Variants in KLRG1 observed in about 807,000 individuals in gnomAD.
KLRG1 encodes the protein killer cell lectin-like receptor subfamily G member 1.
In KLRG1, 16 loss-of-function variants were observed where a neutral mutation model predicts 21.8. That is an observed-to-expected ratio of 0.73 (90% confidence interval 0.50 to 1.11). The LOEUF is 1.11. Among genes scored for constraint, KLRG1 ranks in the 50% most tolerant of loss-of-function variants. KLRG1 has a pLI of 0.00. For synonymous variants in KLRG1, 69 were observed against 75.9 expected, an observed-to-expected ratio of 0.91 and a Z score of 0.47; for missense variants, 173 against 218.3, an observed-to-expected ratio of 0.79 and a Z score of 1.31.
chr12:9,068,328 AG>A, the KLRG1 span: 1 of 1,181,400 alleles, frequency 8.5e-7, no homozygotes, highest in East Asian at 2.5e-5. Flanking sequence ...TGTTGTGGGA[AG>A]AACAGTATTG....
the KLRG1 span, among the ~76,000 whole-genome samples, chr12:9,081,998 C>A: frequency 6.6e-6 from 1 of 152,176 alleles, no homozygotes; most frequent in Non-Finnish European, 1.5e-5. Context: ...GCTTGAGTTT[C>A]CAGATGGCCA....
At chr12:9,070,812 G>T in the KLRG1 span, among the ~76,000 whole-genome samples, 1 of 148,392 alleles carries the variant, frequency 6.7e-6, no homozygotes, top group African/African-American at 2.5e-5. Context: ...GTGTATGGGG[G>T]CTGAGGATCT....
At chr12:8,973,678 A>G (rs1449585471) in intron 1 of KLRG1, among the ~76,000 whole-genome samples, 1 of 152,244 alleles carries the variant, frequency 6.6e-6, no homozygotes, top group Non-Finnish European at 1.5e-5. Context: ...CTTCCTATCC[A>G]TGAACATGGG....
At chr12:9,160,586 T>G in the KLRG1 span, 1 of 1,145,460 alleles carries the variant, frequency 8.7e-7, no homozygotes. Flanking sequence ...AGTCTATCAT[T>G]TAGGTAAGAG....
At chr12:9,134,132 A>G in the KLRG1 span, among the ~76,000 whole-genome samples, 1 of 152,214 alleles carries the variant, frequency 6.6e-6, no homozygotes, top group East Asian at 1.9e-4. Context: ...TTCCCTGGTT[A>G]GACTTTGCCT....
At chr12:8,995,405 T>TG (rs1044540473) in intron 3 of KLRG1, 117 bp downstream of exon 3, 13 of 871,822 alleles carry the variant, frequency 1.5e-5, no homozygotes, top group Admixed American at 5.7e-5. Context: ...ATCTGTGATT[T>TG]GGGGGGGATA....
the KLRG1 span, chr12:9,093,453 G>A: frequency 1.9e-6 from 3 of 1,589,440 alleles, no homozygotes; most frequent in African/African-American, 1.3e-5. Flanking sequence ...GCATATGCAG[G>A]AAGTTACTTA....
chr12:9,079,124 T>C, the KLRG1 span: 1 of 720,166 alleles, frequency 1.4e-6, no homozygotes, highest in Non-Finnish European at 2.3e-6. Context: ...ATTTATCTAG[T>C]ATAACAAACC....
At chr12:9,117,528 C>T in the KLRG1 span, among the ~76,000 whole-genome samples, 23 of 152,152 alleles carry the variant, frequency 1.5e-4, no homozygotes, top group South Asian at 8.3e-4. Context: ...TTTCCTGGCT[C>T]GTCACGGAGT....
the KLRG1 span, chr12:9,109,725 T>C: frequency 3.8e-6 from 3 of 798,968 alleles, no homozygotes; most frequent in Admixed American, 2.7e-5. Flanking sequence ...GATGTCCTCA[T>C]TGGACTTAGG....
chr12:9,139,404 G>A, the KLRG1 span, among the ~76,000 whole-genome samples: 5 of 152,280 alleles, frequency 3.3e-5, no homozygotes, highest in Admixed American at 3.3e-4. Flanking sequence ...TTCAGCTGCT[G>A]TTTGGTGGAA....
At chr12:9,051,576 C>T in the KLRG1 span, among the ~76,000 whole-genome samples, 1 of 152,228 alleles carries the variant, frequency 6.6e-6, no homozygotes, top group African/African-American at 2.4e-5. Context: ...CAGGTCTCCT[C>T]TGAGCTGTTC....
At chr12:9,086,726 A>T in the KLRG1 span, among the ~76,000 whole-genome samples, 2 of 152,234 alleles carry the variant, frequency 1.3e-5, no homozygotes, top group South Asian at 4.1e-4. Flanking sequence ...AAGATCTGGA[A>T]CAAGACAAGG....
At chr12:9,164,590 CT>C in the KLRG1 span, among the ~76,000 whole-genome samples, 20 of 152,134 alleles carry the variant, frequency 1.3e-4, no homozygotes, top group Non-Finnish European at 1.9e-4. Context: ...TTCTTCCTTC[CT>C]TTCTTCTCCT....
the KLRG1 span, among the ~76,000 whole-genome samples, chr12:9,116,842 A>C: frequency 1.3e-5 from 2 of 152,208 alleles, no homozygotes; most frequent in Non-Finnish European, 2.9e-5. Flanking sequence ...AAAAACAGAC[A>C]GAAAAACAAC....
At chr12:9,198,475 T>A in the KLRG1 span, among the ~76,000 whole-genome samples, 1 of 152,234 alleles carries the variant, frequency 6.6e-6, no homozygotes, top group Middle Eastern at 3.4e-3. Context: ...TAAAAATAAG[T>A]ACATAATAAC....
At chr12:9,112,617 A>G in the KLRG1 span, 25 of 1,502,108 alleles carry the variant, frequency 1.7e-5, no homozygotes, top group Non-Finnish European at 2.3e-5. Flanking sequence ...TCTTCCCTGG[A>G]GATCTTGCCC....
chr12:9,157,307 C>T, the KLRG1 span: 1 of 1,614,086 alleles, frequency 6.2e-7, no homozygotes, highest in Non-Finnish European at 8.5e-7. Flanking sequence ...TCCTTTGCTA[C>T]ATTCCAGGCT....
At chr12:9,175,839 A>G in the KLRG1 span, among the ~76,000 whole-genome samples, 4 of 150,282 alleles carry the variant, frequency 2.7e-5, no homozygotes, top group Admixed American at 2.6e-4. Context: ...AGAAAAAGGA[A>G]TGCTTTTTTT....
Sources: allele counts gnomAD v4.1 joint callset (sites outside exome capture counted in the v4.1 genomes callset), GRCh38; gene constraint gnomAD v4.1.1; transcripts MANE v1.5; gene names NCBI Gene and HGNC (gene_info 2026-07-23, HGNC 2026-07-21).